CIB4: variants seen among roughly 807,000 people sequenced by gnomAD.
The protein encoded by CIB4 is calcium and integrin binding family member 4, also known as calcium and integrin-binding family member 4.
A neutral mutation model predicts 25.8 loss-of-function variants in CIB4; 25 were observed. The observed-to-expected ratio is 0.97, with a 90% CI of 0.71 to 1.35. The LOEUF (loss-of-function observed/expected upper bound fraction) is 1.35. Among genes scored for constraint, CIB4 ranks in the 40% most tolerant of loss-of-function variants. The probability of loss-of-function intolerance (pLI) is 0.00; values close to 1 mark genes in which losing one functional copy is unlikely to be tolerated. For missense variants in CIB4, 235 were observed against 228.2 expected, an observed-to-expected ratio of 1.03 and a Z score of -0.19; for synonymous variants, 75 against 81.4, an observed-to-expected ratio of 0.92 and a Z score of 0.42.
chr2:26,583,709 C>A, intron 5 of CIB4, 80 bp downstream of exon 5: 1 of 915,314 alleles, frequency 1.1e-6, no homozygotes, highest in Non-Finnish European at 1.8e-6. Flanking sequence ...AAGAGGGTGG[C>A]CTGACATCCG....
chr2:26,624,426 T>C (rs1408154962), intron 3 of CIB4, among the ~76,000 whole-genome samples: 2 of 152,186 alleles, frequency 1.3e-5, no homozygotes, highest in East Asian at 3.8e-4. Context: ...TCTTTAGTCC[T>C]CGCTCTAGGT....
chr2:26,597,689 T>C (rs1362697507), intron 3 of CIB4, among the ~76,000 whole-genome samples: 1 of 152,170 alleles, frequency 6.6e-6, no homozygotes, highest in African/African-American at 2.4e-5. Flanking sequence ...ATTAGTATAG[T>C]AGTAAATGTA....
intron 3 of CIB4, among the ~76,000 whole-genome samples, chr2:26,608,701 C>T (rs1668940971): frequency 6.6e-6 from 1 of 152,110 alleles, no homozygotes. Flanking sequence ...AAGCGCAGAC[C>T]ACACCCAGCC....
At chr2:26,583,954 G>A in intron 4 of CIB4, 56 bp from the exon 5 acceptor site, 1 of 1,143,066 alleles carries the variant, frequency 8.7e-7, no homozygotes, top group African/African-American at 1.5e-5. Context: ...AACAGGAAGA[G>A]GACTTGAGGA....
At position 26,627,057 on chromosome 2, in the gene CIB4, CCAAA is replaced by C. The variant is rs1669324828; in HGVS notation, c.186+2349_186+2352del. Among the ~76,000 whole-genome samples, 1 of 152,110 alleles carries C rather than the reference CCAAA, an allele frequency of 6.6e-6. No homozygotes were observed. Among genetic ancestry groups the C allele is most frequent in the African/African-American group, 2.4e-5 (1 of 41,400 alleles). On this transcript the variant is annotated intron_variant, in intron 3 of 6. Coordinates refer to ENST00000288861, the MANE Select transcript of CIB4 (RefSeq NM_001029881.3). This position sits in a 1 kb window ranked among gnomAD's most constrained non-coding sequence, Gnocchi z 4.0. ...AGTCCAGTGCTTACTCCTTTGGGGG[CCAAA>C]CAGAGACTCCAGGCCCTACTGAGAC...
intron 2 of CIB4, among the ~76,000 whole-genome samples, chr2:26,631,839 A>G (rs1669425348): frequency 6.6e-6 from 1 of 152,108 alleles, no homozygotes; most frequent in African/African-American, 2.4e-5. Context: ...TCCCAGCCCC[A>G]CACGACTCTG....
chr2:26,630,761 G>T (rs1669401662), intron 2 of CIB4, among the ~76,000 whole-genome samples: 1 of 152,160 alleles, frequency 6.6e-6, no homozygotes, highest in Admixed American at 6.5e-5. Flanking sequence ...GAGGGGAGGT[G>T]TATGAAACGT....
At chr2:26,625,283 C>T (rs900625622) in intron 3 of CIB4, among the ~76,000 whole-genome samples, 1 of 151,864 alleles carries the variant, frequency 6.6e-6, no homozygotes, top group Non-Finnish European at 1.5e-5. Flanking sequence ...GTGGAGAAAC[C>T]TGCATGTGCT....
intron 2 of CIB4, among the ~76,000 whole-genome samples, chr2:26,640,039 G>T (rs964646815): frequency 2.1e-5 from 3 of 142,270 alleles, no homozygotes; most frequent in African/African-American, 7.7e-5. Context: ...GAGCGGGGCT[G>T]CTCACCACCC....
intron 3 of CIB4, among the ~76,000 whole-genome samples, chr2:26,603,936 G>A (rs1668840564): frequency 6.6e-6 from 1 of 150,456 alleles, no homozygotes; most frequent in South Asian, 2.1e-4. Flanking sequence ...CCAGGAGGCA[G>A]AGATTGCAAT....
chr2:26,625,769 T>C (rs559396923), intron 3 of CIB4, among the ~76,000 whole-genome samples: 19 of 152,396 alleles, frequency 1.2e-4, no homozygotes, highest in Admixed American at 3.3e-4. Flanking sequence ...TTTGCTTTTG[T>C]TGCAATTGCT....
chr2:26,623,855 G>T (rs1289547813), intron 3 of CIB4, among the ~76,000 whole-genome samples: 1 of 152,178 alleles, frequency 6.6e-6, no homozygotes, highest in African/African-American at 2.4e-5. Flanking sequence ...ACAGCTCTGG[G>T]CTCGGAAACT....
chr2:26,622,856 G>A lies in CIB4; in HGVS notation c.186+6554C>T, dbSNP rs781625763. On this transcript the variant is annotated intron_variant, in intron 3 of 6. Transcript: ENST00000288861. ...AAATTAGCCAGGCATGGCGGCACGC[G>A]CCTGTAATCCCAGCTACTCAGAAGG... 2.0e-5 allele frequency among the ~76,000 whole-genome samples: 3 copies of A among 152,000 alleles called. No homozygotes were observed. The East Asian group carries it at 5.8e-4, about 29-fold the overall frequency.
Position 26,629,521 on chromosome 2 carries a change from A to T in CIB4, c.90-15T>A. 6.5e-7 allele frequency: 1 copy of T among 1,535,328 alleles called. No homozygotes were observed. Among genetic ancestry groups the T allele is most frequent in the Non-Finnish European group, 8.9e-7 (1 of 1,128,514 alleles). On this transcript the variant is annotated splice_polypyrimidine_tract_variant and intron_variant, in intron 2 of 6. Coordinates refer to ENST00000288861, the MANE Select transcript of CIB4 (RefSeq NM_001029881.3). ...TGTCATGGATGCTGAAAAGAGAGGC[A>T]TGAAGACCGTGTGGCCGGGGAAAGG...
intron 2 of CIB4, among the ~76,000 whole-genome samples, chr2:26,638,442 C>T (rs1452508720): frequency 2.6e-5 from 4 of 152,114 alleles, no homozygotes; most frequent in Admixed American, 6.5e-5. Flanking sequence ...GATCGATGTT[C>T]GAGAGAGAGC....
intron 3 of CIB4, among the ~76,000 whole-genome samples, chr2:26,624,842 A>G (rs993523886): frequency 2.6e-5 from 4 of 151,054 alleles, no homozygotes; most frequent in African/African-American, 4.9e-5. Context: ...ATTATGGTGT[A>G]TATATATATA....
chr2:26,609,635 G>A (rs1479471767), intron 3 of CIB4, among the ~76,000 whole-genome samples: 1 of 152,112 alleles, frequency 6.6e-6, no homozygotes, highest in Non-Finnish European at 1.5e-5. Flanking sequence ...ACGCTCTTGG[G>A]CCAGAGAGGA....
chr2:26,616,759 T>C (rs2148214499), intron 3 of CIB4, among the ~76,000 whole-genome samples: 1 of 152,256 alleles, frequency 6.6e-6, no homozygotes, highest in African/African-American at 2.4e-5. Context: ...CACATGTACA[T>C]AAATTAGACA....
chr2:26,596,534 A>G (rs938511526), intron 3 of CIB4, among the ~76,000 whole-genome samples: 2 of 152,198 alleles, frequency 1.3e-5, no homozygotes, highest in African/African-American at 2.4e-5. Flanking sequence ...ACCTGAGGTC[A>G]GGAGTTCAAG....
Sources: allele counts gnomAD v4.1 joint callset (sites outside exome capture counted in the v4.1 genomes callset), GRCh38; gene constraint gnomAD v4.1.1; non-coding constraint Gnocchi (gnomAD v3.1); transcripts MANE v1.5; gene names NCBI Gene and HGNC (gene_info 2026-07-23, HGNC 2026-07-21).